OSCP1: variants seen among roughly 807,000 people sequenced by gnomAD.
OSCP1 encodes the protein protein OSCP1.
In OSCP1, 35 loss-of-function variants were observed where a neutral mutation model predicts 45.1. That is an observed-to-expected ratio of 0.78 (90% confidence interval 0.59 to 1.03). OSCP1 has a LOEUF of 1.03. Ranked by LOEUF, OSCP1 falls within the 50% of genes least tolerant of loss-of-function variation. OSCP1 has a pLI of 0.00. For missense variants in OSCP1, 400 were observed against 470.7 expected (o/e 0.85, Z 1.39); for synonymous variants, 179 against 180.1 (o/e 0.99, Z 0.05).
intron 1 of OSCP1, among the ~76,000 whole-genome samples, chr1:36,442,499 C>T (rs760657329): frequency 1.1e-4 from 16 of 152,168 alleles, no homozygotes; most frequent in Non-Finnish European, 2.2e-4. Flanking sequence ...CAAGAAGTGT[C>T]AAACGATGGT....
intron 2 of OSCP1, 27 bp from the exon 3 acceptor site, chr1:36,432,616 A>G: frequency 1.9e-6 from 3 of 1,613,794 alleles, no homozygotes; most frequent in Non-Finnish European, 2.5e-6. Context: ...AAGCAAAAGA[A>G]ATGGGATCAT....
rs536530068 is a variant in OSCP1, at chr1:36,424,392, C to T, written c.517-926G>A. Among the ~76,000 whole-genome samples, 35 of 152,314 alleles carry T rather than the reference C, an allele frequency of 2.3e-4. No individual in the cohort carries two copies. The South Asian group carries it at 7.2e-3, about 32-fold the overall frequency. Reference sequence around the variant, plus strand: ...CCAGGATTCAAAACCAAAGGTGACTCCAAATTCCACCCGTATGCCTTGGTT... The same window carrying T: ...CCAGGATTCAAAACCAAAGGTGACTTCAAATTCCACCCGTATGCCTTGGTT... On this transcript the variant is annotated intron_variant, in intron 4 of 9. Coordinates refer to ENST00000235532, the MANE Select transcript of OSCP1 (RefSeq NM_145047.5).
In OSCP1 at chr1:36,447,681, T is replaced by TA. The variant is rs1281792929; in HGVS notation, c.112+2576dup. ...GGGGATAGTAATATTACCTATGTGT[T>TA]ACAATAGTTGGGAGGATTAAGGTGT... is the stretch of plus-strand genomic sequence containing the variant. On this transcript the variant is annotated intron_variant, in intron 1 of 9. Transcript: ENST00000235532. This position sits in a 1 kb window ranked among gnomAD's most constrained non-coding sequence, Gnocchi z 4.1. 1.0e-5 allele frequency: 2 copies of TA among 196,036 alleles called. No individual in the cohort carries two copies. The highest frequency in any genetic ancestry group is 4.6e-5 in the African/African-American group (2 of 43,124). 12.1% of individuals were successfully genotyped at this position (196,036 alleles called of 1,614,324 possible).
chr1:36,418,285 T>C, intron 9 of OSCP1, 30 bp from the exon 10 acceptor site: 1 of 1,607,702 alleles, frequency 6.2e-7, no homozygotes, highest in East Asian at 2.2e-5. Flanking sequence ...TAAAAGGGCA[T>C]GAAGAGGCTG....
intron 8 of OSCP1, chr1:36,419,313 A>C (rs1647473527): frequency 4.1e-6 from 2 of 490,616 alleles, no homozygotes; most frequent in African/African-American, 3.9e-5. Flanking sequence ...CAAGACCTAG[A>C]TCAAATGCCA....
In OSCP1 at chr1:36,444,152, G is replaced by T. The variant is rs7519327; in HGVS notation, c.113-5242C>A. ...CTATGAAACTTTACTTTTCACGTTG[G>T]CATTTAATGTCTAATGTGAGCACAC... On this transcript the variant is annotated intron_variant, in intron 1 of 9. Transcript: ENST00000235532. 15,494 of 1,166,372 alleles carry T rather than the reference G, an allele frequency of 0.013. 1,288 individuals carry two copies. In the African/African-American group the frequency reaches 0.19, roughly 15 times the overall value. The allele number at this position is 1,166,372 out of a possible 1,614,324, so 72.3% of individuals were successfully genotyped here.
chr1:36,427,648 T>C (rs1648063654), intron 4 of OSCP1, among the ~76,000 whole-genome samples: 1 of 152,170 alleles, frequency 6.6e-6, no homozygotes, highest in Admixed American at 6.5e-5. Flanking sequence ...AATTTTATCT[T>C]GTCGGAACTG....
chr1:36,450,443 C>A lies in OSCP1; in HGVS notation c.-74G>T. Reference sequence around the variant, plus strand: ...CAGTGGCCTGAAGGCCAGGCCGCAGCGTCCCAATAGTCCGGTTGCTGGGGC... The same window carrying A: ...CAGTGGCCTGAAGGCCAGGCCGCAGAGTCCCAATAGTCCGGTTGCTGGGGC... On this transcript the variant is annotated 5_prime_UTR_variant, in exon 1 of 10. Transcript: ENST00000235532. 1 of 1,268,702 alleles carries A rather than the reference C, an allele frequency of 7.9e-7. No individual in the cohort carries two copies. The highest frequency in any genetic ancestry group is 1.1e-6 in the Non-Finnish European group (1 of 874,522). 78.6% of individuals were successfully genotyped at this position (1,268,702 alleles called of 1,614,324 possible).
At chr1:36,424,584 A>G (rs78603299) in intron 4 of OSCP1, among the ~76,000 whole-genome samples, 15,575 of 152,188 alleles carry the variant, frequency 0.1, 950 homozygotes, top group East Asian at 0.29. Context: ...TGGAGCCCGA[A>G]CCTTATCCAC....
intron 7 of OSCP1, among the ~76,000 whole-genome samples, chr1:36,421,193 C>T (rs1233637224): frequency 1.3e-5 from 2 of 152,092 alleles, no homozygotes; most frequent in Non-Finnish European, 2.9e-5. Context: ...TGCCTCCTGT[C>T]GAAAGAACAA....
At chr1:36,449,587 A>G (rs2124060834) in intron 1 of OSCP1, among the ~76,000 whole-genome samples, 1 of 152,242 alleles carries the variant, frequency 6.6e-6, no homozygotes, top group South Asian at 2.1e-4. Context: ...CTATAATCCC[A>G]GCACTTTGGG....
chr1:36,432,335 T>C lies in OSCP1; in HGVS notation c.435+87A>G, dbSNP rs1360548109. The C allele has an allele frequency of 2.1e-6, 3 of 1,455,778 alleles. No individual in the cohort carries two copies. The African/African-American group carries it at 4.2e-5, about 21-fold the overall frequency. The allele number at this position is 1,455,778 out of a possible 1,614,324, so 90.2% of individuals were successfully genotyped here. On this transcript the variant is annotated intron_variant, in intron 3 of 9. Coordinates refer to ENST00000235532, the MANE Select transcript of OSCP1 (RefSeq NM_145047.5). ...CAGGCTTTGCCATTCCTCATCCTGT[T>C]CTCTCTGTCATAGATCTACCTGTTC...
At chr1:36,421,613 G>A (rs1425598309) in intron 7 of OSCP1, among the ~76,000 whole-genome samples, 6 of 152,116 alleles carry the variant, frequency 3.9e-5, no homozygotes, top group Non-Finnish European at 8.8e-5. Flanking sequence ...CCACATCTAC[G>A]TCAGCTTCGT....
At chr1:36,422,961 A>G in intron 5 of OSCP1, 65 bp from the exon 6 acceptor site, 1 of 1,420,810 alleles carries the variant, frequency 7.0e-7, no homozygotes, top group Admixed American at 2.5e-5. Flanking sequence ...AGGCTTCTTT[A>G]TTCTTTGTAC....
intron 1 of OSCP1, among the ~76,000 whole-genome samples, chr1:36,445,738 A>G (rs1570552321): frequency 6.6e-6 from 1 of 151,740 alleles, no homozygotes; most frequent in East Asian, 1.9e-4. Flanking sequence ...TTTTTGAGAC[A>G]GGGTCTTACT....
chr1:36,430,469 G>C (rs1317116599), intron 4 of OSCP1, among the ~76,000 whole-genome samples: 1 of 152,146 alleles, frequency 6.6e-6, no homozygotes, highest in Non-Finnish European at 1.5e-5. Context: ...GGTGGCAACA[G>C]GGATGGAGAG....
In OSCP1 at chr1:36,450,293, C is replaced by A; in HGVS notation, c.77G>T (p.Arg26Leu). 1.2e-6 allele frequency: 2 copies of A among 1,613,650 alleles called. No individual in the cohort carries two copies. The highest frequency in any genetic ancestry group is 1.7e-6 in the Non-Finnish European group (2 of 1,179,906). The change falls in exon 1 of 10, where the codon CGG becomes CTG. Residue 26 changes from arginine to leucine, a missense_variant. Arg to Leu is a moderately radical substitution (Grantham distance 102). Coordinates refer to ENST00000235532, the MANE Select transcript of OSCP1 (RefSeq NM_145047.5). Reference sequence around the variant, plus strand: ...CTTGTCTCCCGGGATGTTCTGGGCCCGCAGCCGTTGGTCGAGGATGTAAAG... The same window carrying A: ...CTTGTCTCCCGGGATGTTCTGGGCCAGCAGCCGTTGGTCGAGGATGTAAAG... ...EMLYILDQRL[R>L]AQNIPGDKAR...
chr1:36,422,870 A>ACTT lies in OSCP1; in HGVS notation c.644_646dup (p.Glu215dup). 1 of 1,607,398 alleles carries ACTT rather than the reference A, an allele frequency of 6.2e-7. No individual in the cohort carries two copies. The highest frequency in any genetic ancestry group is 8.5e-7 in the Non-Finnish European group (1 of 1,176,502). The stretch of plus-strand genomic sequence containing the variant: ...ACCATGCTTGAATTCTATCCTCTTC[A>ACTT]CTTCTTCACCTTTGTTGTTGAACAT... On this transcript the variant is annotated inframe_insertion, in exon 6 of 10. Transcript: ENST00000235532.
chr1:36,420,738 G>C, intron 7 of OSCP1, 123 bp from the exon 8 acceptor site: 3 of 1,327,376 alleles, frequency 2.3e-6, no homozygotes, highest in African/African-American at 3.0e-5. Context: ...ATTATTTCTG[G>C]GTCCAAATAA....
Sources: gnomAD v4.1 joint callset for allele counts (sites outside exome capture counted in the v4.1 genomes callset) on GRCh38, gnomAD v4.1.1 for gene constraint, Gnocchi (gnomAD v3.1) non-coding constraint, MANE v1.5 for transcripts, NCBI Gene and HGNC (gene_info 2026-07-23, HGNC 2026-07-21) for gene names.